CAMK1D: variants seen among roughly 807,000 people sequenced by gnomAD.
The protein encoded by CAMK1D is calcium/calmodulin dependent protein kinase ID, also known as calcium/calmodulin-dependent protein kinase type 1D.
CAMK1D carries 9 observed loss-of-function variants against 47.7 expected under a neutral mutation model. The observed-to-expected ratio is 0.19, with a 90% confidence interval of 0.11 to 0.33. The LOEUF (loss-of-function observed/expected upper bound fraction) is 0.33. Among genes scored for constraint, CAMK1D ranks in the 10% least tolerant of loss-of-function variants. The probability of loss-of-function intolerance (pLI) is 1.00; values close to 1 mark genes in which losing one functional copy is unlikely to be tolerated. For missense variants in CAMK1D, 291 were observed against 488.7 expected (o/e 0.60, Z 3.81); for synonymous variants, 184 against 184.9 (o/e 0.99, Z 0.04).
chr10:12,517,781 T>C (rs1223520830), intron 1 of CAMK1D, among the ~76,000 whole-genome samples: 1 of 152,216 alleles, frequency 6.6e-6, no homozygotes, highest in Non-Finnish European at 1.5e-5. Flanking sequence ...GGTAACAGTT[T>C]GTTAAGAAGT....
At chr10:12,452,592 CTT>C (rs369439055) in intron 1 of CAMK1D, among the ~76,000 whole-genome samples, 1 of 146,424 alleles carries the variant, frequency 6.8e-6, no homozygotes, top group African/African-American at 2.5e-5. Flanking sequence ...ACCATTTTGA[CTT>C]TTTTTTTTTG....
intron 5 of CAMK1D, among the ~76,000 whole-genome samples, chr10:12,781,456 C>T (rs992151112): frequency 2.6e-5 from 4 of 152,122 alleles, no homozygotes; most frequent in Non-Finnish European, 5.9e-5. Flanking sequence ...GCCCAGTGGC[C>T]CCAGCTTCTA....
intron 8 of CAMK1D, among the ~76,000 whole-genome samples, chr10:12,817,205 G>T (rs1434021787): frequency 6.6e-6 from 1 of 152,188 alleles, no homozygotes; most frequent in African/African-American, 2.4e-5. Context: ...TTTGGGTGGG[G>T]ACAGAGCCAA....
At chr10:12,599,973 C>T (rs965540293) in intron 2 of CAMK1D, among the ~76,000 whole-genome samples, 6 of 152,162 alleles carry the variant, frequency 3.9e-5, no homozygotes, top group Non-Finnish European at 5.9e-5. Flanking sequence ...GATGTGGTGG[C>T]GTGTTCCTGT....
At chr10:12,673,636 G>A (rs187017112) in intron 3 of CAMK1D, among the ~76,000 whole-genome samples, 43 of 152,244 alleles carry the variant, frequency 2.8e-4, no homozygotes, top group African/African-American at 1.0e-3. Flanking sequence ...TGATAGTTTA[G>A]TTCTAAGTAT....
chr10:12,647,503 G>A (rs1839844613), intron 2 of CAMK1D, among the ~76,000 whole-genome samples: 1 of 152,100 alleles, frequency 6.6e-6, no homozygotes, highest in Admixed American at 6.5e-5. Flanking sequence ...AAATTTTTCT[G>A]TATACCAATG....
chr10:12,795,670 G>T (rs1196024385), intron 6 of CAMK1D, among the ~76,000 whole-genome samples: 1 of 152,178 alleles, frequency 6.6e-6, no homozygotes, highest in African/African-American at 2.4e-5. Flanking sequence ...TTCTCCTCTT[G>T]CACGCCATAT....
At chr10:12,814,450 A>G (rs951500907) in intron 7 of CAMK1D, 143 bp downstream of exon 7, 38 of 541,904 alleles carry the variant, frequency 7.0e-5, no homozygotes, top group African/African-American at 1.1e-4. Flanking sequence ...GTAACAAGAT[A>G]CCATAGACTG....
intron 2 of CAMK1D, among the ~76,000 whole-genome samples, chr10:12,646,253 C>G (rs1218782525): frequency 6.6e-6 from 1 of 152,132 alleles, no homozygotes; most frequent in Non-Finnish European, 1.5e-5. Flanking sequence ...ATTCTTTCAT[C>G]TTAATGTTTC....
intron 5 of CAMK1D, among the ~76,000 whole-genome samples, chr10:12,782,204 T>A (rs1837531049): frequency 6.6e-6 from 1 of 152,162 alleles, no homozygotes; most frequent in South Asian, 2.1e-4. Flanking sequence ...TTGCCAACAG[T>A]CTGGATTGCA....
At chr10:12,524,448 C>T (rs1564390839) in intron 1 of CAMK1D, among the ~76,000 whole-genome samples, 2 of 152,158 alleles carry the variant, frequency 1.3e-5, no homozygotes, top group Middle Eastern at 3.4e-3. Context: ...TGGCGCACGC[C>T]TGTAATCCCA....
chr10:12,681,099 C>T (rs1840978521), intron 3 of CAMK1D, among the ~76,000 whole-genome samples: 1 of 152,144 alleles, frequency 6.6e-6, no homozygotes, highest in South Asian at 2.1e-4. Context: ...CACATCATAA[C>T]CTCCTGTGTC....
chr10:12,468,325 G>T (rs1274697546), intron 1 of CAMK1D, among the ~76,000 whole-genome samples: 2 of 152,162 alleles, frequency 1.3e-5, no homozygotes, highest in Non-Finnish European at 2.9e-5. Context: ...CCTTCCCAAA[G>T]TTCTGGCATT....
chr10:12,817,480 A>G (rs757668786), intron 8 of CAMK1D, among the ~76,000 whole-genome samples: 4 of 152,150 alleles, frequency 2.6e-5, no homozygotes, highest in Admixed American at 6.5e-5. Context: ...CTTTTGTGCC[A>G]CTAATTTAGA....
chr10:12,542,938 G>T (rs1836243764), intron 1 of CAMK1D, among the ~76,000 whole-genome samples: 1 of 152,106 alleles, frequency 6.6e-6, no homozygotes, highest in African/African-American at 2.4e-5. Context: ...TAGAGATGGG[G>T]TTTCATCATG....
chr10:12,634,758 G>A (rs571887580), intron 2 of CAMK1D, among the ~76,000 whole-genome samples: 4 of 151,920 alleles, frequency 2.6e-5, no homozygotes, highest in Admixed American at 1.3e-4. Context: ...TCTTCCTGCC[G>A]GCCCATCAGC....
chr10:12,608,431 A>G (rs1036782657), intron 2 of CAMK1D, among the ~76,000 whole-genome samples: 3 of 152,198 alleles, frequency 2.0e-5, no homozygotes, highest in Admixed American at 1.3e-4. Context: ...AAAAAGAACA[A>G]ACATATTTAT....
chr10:12,403,918 A>G (rs540263704), intron 1 of CAMK1D, among the ~76,000 whole-genome samples: 6 of 151,658 alleles, frequency 4.0e-5, no homozygotes, highest in African/African-American at 1.2e-4. Flanking sequence ...CTGGTTTCCC[A>G]GTTCTTGATA....
chr10:12,824,523 C>T lies in CAMK1D; in HGVS notation c.892C>T (p.Arg298Trp). The T allele has an allele frequency of 1.9e-6, 3 of 1,614,092 alleles. No individual in the cohort carries two copies. The highest frequency in any genetic ancestry group is 2.5e-6 in the Non-Finnish European group (3 of 1,179,998). Residue 298 changes from arginine (R) to tryptophan (W), a missense_variant, in exon 9 of 11, where the codon CGG (arginine) becomes TGG (tryptophan). This residue lies in a region of CAMK1D where 219 missense variants were observed against 424.3 expected (regional missense o/e 0.52). Coordinates refer to ENST00000619168, the MANE Select transcript of CAMK1D (RefSeq NM_153498.4). ...CCACGAGTCCGTCAGCGCCCAGATC[C>T]GGAAAAACTTTGCCAAGAGCAAATG... ...NIHESVSAQI[R>W]KNFAKSKWRQ...
Sources: gnomAD v4.1 joint callset for allele counts (sites outside exome capture counted in the v4.1 genomes callset) on GRCh38, gnomAD v4.1.1 for gene constraint, gnomAD v4.1.1 regional missense constraint, MANE v1.5 for transcripts, NCBI Gene and HGNC (gene_info 2026-07-23, HGNC 2026-07-21) for gene names.